Variants in NYAP2 observed in about 807,000 individuals in gnomAD.
NYAP2 encodes the protein neuronal tyrosine-phosphorylated phosphoinositide-3-kinase adapter 2.
NYAP2 carries 23 observed loss-of-function variants against 50.4 expected under a neutral mutation model. The ratio of observed to expected loss-of-function variants is 0.46; its 90% CI spans 0.33 to 0.65. The LOEUF (loss-of-function observed/expected upper bound fraction) is 0.65, where lower values mean the gene tolerates loss of function less well. Among genes scored for constraint, NYAP2 ranks in the 30% least tolerant of loss-of-function variants. NYAP2 has a pLI of 0.02. For synonymous variants in NYAP2, 394 were observed against 365.2 expected, an observed-to-expected ratio of 1.08 and a Z score of -0.90; for missense variants, 885 against 861.0, an observed-to-expected ratio of 1.03 and a Z score of -0.35.
In NYAP2 at chr2:225,645,263, A is replaced by G. The variant is rs920649208; in HGVS notation, c.1829-6169A>G. On this transcript the variant is annotated intron_variant, in intron 6 of 6. Transcript: ENST00000636099. Reference sequence around the variant, plus strand: ...GAAAAAAAAAAAAAAAAGAAGAAGAAAAAAGCTAACTAATAAATTACATAG... The same window carrying G: ...GAAAAAAAAAAAAAAAAGAAGAAGAGAAAAGCTAACTAATAAATTACATAG... Among the ~76,000 whole-genome samples, 4 of 152,186 alleles carry G rather than the reference A, an allele frequency of 2.6e-5. No homozygotes were observed. In the South Asian group the frequency reaches 6.2e-4, roughly 24 times the overall value.
At chr2:225,627,639 G>A (rs1246928012) in intron 6 of NYAP2, among the ~76,000 whole-genome samples, 2 of 152,146 alleles carry the variant, frequency 1.3e-5, no homozygotes, top group Non-Finnish European at 2.9e-5. Context: ...ATTGGGAATG[G>A]CACTAAATTC....
intron 4 of NYAP2, among the ~76,000 whole-genome samples, chr2:225,531,775 T>C (rs866917452): frequency 6.6e-6 from 1 of 152,218 alleles, no homozygotes; most frequent in African/African-American, 2.4e-5. Flanking sequence ...CCCTGCTTTG[T>C]TTATAATACA....
chr2:225,531,852 C>T (rs1574661888), intron 4 of NYAP2, among the ~76,000 whole-genome samples: 1 of 152,158 alleles, frequency 6.6e-6, no homozygotes, highest in South Asian at 2.1e-4. Context: ...TAAAACCCTG[C>T]CTTTCTTCAG....
rs1252841856 is a variant in NYAP2 at position 225,650,655 on chromosome 2, G to A, written c.1829-777G>A. On this transcript the variant is annotated intron_variant, in intron 6 of 6. Transcript: ENST00000636099. ...CACTCAAAAACCAACAGCTTACACTGAAGTTTGTGATAAAGTATAAATGTC... is the reference window on the plus strand; with the variant it reads ...CACTCAAAAACCAACAGCTTACACTAAAGTTTGTGATAAAGTATAAATGTC... Among the ~76,000 whole-genome samples, 6 of 152,318 alleles carry A rather than the reference G, an allele frequency of 3.9e-5. No individual in the cohort carries two copies. In the East Asian group the frequency reaches 7.7e-4, roughly 20 times the overall value.
At chr2:225,621,474 G>C (rs989719937) in intron 5 of NYAP2, among the ~76,000 whole-genome samples, 3 of 152,132 alleles carry the variant, frequency 2.0e-5, no homozygotes, top group Non-Finnish European at 2.9e-5. Flanking sequence ...GGGCCAAAGG[G>C]AGGAGGAAAT....
At chr2:225,442,942 G>A (rs1183433761) in intron 3 of NYAP2, among the ~76,000 whole-genome samples, 2 of 152,166 alleles carry the variant, frequency 1.3e-5, no homozygotes, top group Non-Finnish European at 2.9e-5. Flanking sequence ...CATAGCAGAA[G>A]GTGAAGGAGG....
At chr2:225,478,700 A>C (rs1367582986) in intron 3 of NYAP2, among the ~76,000 whole-genome samples, 1 of 152,238 alleles carries the variant, frequency 6.6e-6, no homozygotes, top group African/African-American at 2.4e-5. Flanking sequence ...ACAAATTTTC[A>C]TGAAAATACA....
the NYAP2 span, chr2:225,702,506 T>C: frequency 2.0e-5 from 3 of 151,672 alleles, no homozygotes; most frequent in Non-Finnish European, 4.4e-5. Flanking sequence ...GGCATTCTCT[T>C]TTTTTTCAGA....
chr2:225,467,948 C>T (rs1689947869), intron 3 of NYAP2, among the ~76,000 whole-genome samples: 1 of 152,010 alleles, frequency 6.6e-6, no homozygotes, highest in African/African-American at 2.4e-5. Context: ...GTGAGTACTC[C>T]AGGGAGTCAT....
At chr2:225,498,622 C>A (rs920287458) in intron 3 of NYAP2, among the ~76,000 whole-genome samples, 2 of 150,210 alleles carry the variant, frequency 1.3e-5, no homozygotes, top group Admixed American at 6.6e-5. Context: ...AAAACTGAGA[C>A]AAATAATCCA....
At position 225,513,688 on chromosome 2, in the gene NYAP2, T is replaced by A. The variant is rs951686727; in HGVS notation, c.523+16T>A. The A allele has an allele frequency of 2.0e-6, 3 of 1,489,188 alleles. No individual in the cohort carries two copies. Among genetic ancestry groups the A allele is most frequent in the Non-Finnish European group, 2.7e-6 (3 of 1,119,720 alleles). 92.2% of individuals were successfully genotyped at this position (1,489,188 alleles called of 1,614,324 possible). A position where few individuals can be genotyped will look rare whatever the true frequency, so the allele number is the denominator to read the frequency against. On this transcript the variant is annotated intron_variant, in intron 4 of 6. Transcript: ENST00000636099. ...AGGACTGAAGGTAAAACACGCCATG[T>A]CCATGTCACCTAGAAATCTCTTTCA... is the stretch of plus-strand genomic sequence containing the variant.
intron 3 of NYAP2, among the ~76,000 whole-genome samples, chr2:225,411,626 G>A (rs1695041788): frequency 6.6e-6 from 1 of 151,992 alleles, no homozygotes; most frequent in African/African-American, 2.4e-5. Flanking sequence ...AAAACCCAGG[G>A]TTGCCCCCTG....
chr2:225,442,393 T>A (rs974998121), intron 3 of NYAP2, among the ~76,000 whole-genome samples: 2 of 152,178 alleles, frequency 1.3e-5, no homozygotes, highest in Non-Finnish European at 2.9e-5. Flanking sequence ...AATCACCAAA[T>A]ATCTTATATT....
intron 5 of NYAP2, among the ~76,000 whole-genome samples, chr2:225,595,267 C>T (rs1051111997): frequency 6.6e-6 from 1 of 152,158 alleles, no homozygotes; most frequent in East Asian, 1.9e-4. Flanking sequence ...TGTTGTCCAA[C>T]GTTAGATCCA....
At chr2:225,702,394 A>T in the NYAP2 span, 1 of 151,756 alleles carries the variant, frequency 6.6e-6, no homozygotes, top group Non-Finnish European at 1.5e-5. Flanking sequence ...AACATTGAAA[A>T]AGATGTTGTC....
intron 3 of NYAP2, among the ~76,000 whole-genome samples, chr2:225,425,031 C>A (rs756346655): frequency 3.3e-5 from 5 of 152,042 alleles, no homozygotes; most frequent in Non-Finnish European, 7.4e-5. Context: ...TAGAAGCCAA[C>A]CTTTTGGCAA....
At chr2:225,676,516 TG>T in the NYAP2 span, among the ~76,000 whole-genome samples, 1 of 152,078 alleles carries the variant, frequency 6.6e-6, no homozygotes, top group Non-Finnish European at 1.5e-5. Context: ...TCCACATGGC[TG>T]GGGAGGCCTC....
chr2:225,446,294 A>G (rs1323620980), intron 3 of NYAP2, among the ~76,000 whole-genome samples: 2 of 143,852 alleles, frequency 1.4e-5, no homozygotes, highest in African/African-American at 2.5e-5. Context: ...GGAATTAGGA[A>G]GCAGAAAATG....
At chr2:225,583,150 G>C in intron 5 of NYAP2, 115 bp downstream of exon 5, 7 of 1,251,838 alleles carry the variant, frequency 5.6e-6, no homozygotes, top group South Asian at 3.2e-5. Context: ...CCTTGGAGTT[G>C]AAATCTTAGC....
Sources: allele counts gnomAD v4.1 joint callset (sites outside exome capture counted in the v4.1 genomes callset), GRCh38; gene constraint gnomAD v4.1.1; transcripts MANE v1.5; gene names NCBI Gene and HGNC (gene_info 2026-07-23, HGNC 2026-07-21).